FBXW2: variants seen among roughly 807,000 people sequenced by gnomAD.
The protein encoded by FBXW2 is F-box and WD repeat domain containing 2.
In FBXW2, 12 loss-of-function variants were observed where a neutral mutation model predicts 46.0. The ratio of observed to expected loss-of-function variants is 0.26; its 90% CI spans 0.17 to 0.42. The LOEUF (loss-of-function observed/expected upper bound fraction) is 0.42. FBXW2 is among the 10% of genes least tolerant of loss of function. The pLI, the probability that FBXW2 is intolerant of heterozygous loss-of-function variation, is 1.00. For synonymous variants in FBXW2, 203 were observed against 209.6 expected (o/e 0.97, Z 0.27); for missense variants, 360 against 537.0 (o/e 0.67, Z 3.26).
At chr9:120,773,905 C>T (rs778376167) in intron 5 of FBXW2, among the ~76,000 whole-genome samples, 3 of 152,178 alleles carry the variant, frequency 2.0e-5, no homozygotes, top group Admixed American at 6.5e-5. Context: ...AAAAAGTTAA[C>T]ATGGGCTAGG....
chr9:120,786,241 A>C (rs1436017433), intron 3 of FBXW2, among the ~76,000 whole-genome samples: 2 of 152,158 alleles, frequency 1.3e-5, no homozygotes, highest in African/African-American at 4.8e-5. Flanking sequence ...ATTGAGGGAC[A>C]GACTTGGTGG....
intron 7 of FBXW2, among the ~76,000 whole-genome samples, chr9:120,765,596 G>A (rs1387402417): frequency 6.6e-6 from 1 of 152,172 alleles, no homozygotes; most frequent in African/African-American, 2.4e-5. Flanking sequence ...GTAAAAAGAT[G>A]TATTCATCAA....
At position 120,788,715 on chromosome 9, in the gene FBXW2, C is replaced by T. The variant is rs372510874; in HGVS notation, c.-20-437G>A. On this transcript the variant is annotated intron_variant, in intron 2 of 7. Transcript: ENST00000608872. ...TATTTGGGTACTAAAATCACAAAAG[C>T]AAGCACCAGGATGTGACAATCAGAA... 1.9e-4 allele frequency among the ~76,000 whole-genome samples: 29 copies of T among 152,224 alleles called. No individual in the cohort carries two copies. In the South Asian group the frequency reaches 4.8e-3, roughly 25 times the overall value.
chr9:120,770,089 T>C (rs1219633361), intron 7 of FBXW2, among the ~76,000 whole-genome samples: 1 of 152,090 alleles, frequency 6.6e-6, no homozygotes, highest in Non-Finnish European at 1.5e-5. Flanking sequence ...ATAAAAACAA[T>C]GAAGAGGCCG....
chr9:120,787,997 T>C lies in FBXW2; in HGVS notation c.262A>G (p.Asn88Asp), dbSNP rs2044759295. 6.2e-7 allele frequency: 1 copy of C among 1,614,032 alleles called. No individual in the cohort carries two copies. Among genetic ancestry groups the C allele is most frequent in the Non-Finnish European group, 8.5e-7 (1 of 1,180,032 alleles). Residue 88 changes from asparagine (N) to aspartate (D), a missense_variant, in exon 3 of 8, where the codon AAT becomes GAT. By Grantham distance (23) the Asn-to-Asp change is conservative. Coordinates refer to ENST00000608872, the MANE Select transcript of FBXW2 (RefSeq NM_012164.4). The stretch of plus-strand genomic sequence containing the variant: ...TCTGTACAGGCACTTATCACCTTAT[T>C]CCACTGTTTAGAGACGAGGCAGCAT... ...LTCCLVSKQW[N>D]KVISACTEVW...
chr9:120,771,414 T>C lies in FBXW2; in HGVS notation c.1010A>G (p.Lys337Arg), dbSNP rs1417259509. Residue 337 changes from lysine (K) to arginine (R), a missense_variant, in exon 7 of 8, where the codon AAA (lysine) becomes AGA (arginine). Lys to Arg is a conservative substitution (Grantham distance 26, BLOSUM62 2). Transcript: ENST00000608872. Reference sequence around the variant, plus strand: ...AAGTGCTGAACTACAGACAATGTATTTGCCATCAAAATGAAGTCTTGGCTG... The same window carrying C: ...AAGTGCTGAACTACAGACAATGTATCTGCCATCAAAATGAAGTCTTGGCTG... ...CLQPRLHFDG[K>R]YIVCSSALGL... 3.7e-6 allele frequency: 6 copies of C among 1,614,070 alleles called. No individual in the cohort carries two copies. The highest frequency in any genetic ancestry group is 2.7e-5 in the African/African-American group (2 of 74,930).
In FBXW2 at chr9:120,787,800, T is replaced by C. The variant is rs775105186; in HGVS notation, c.459A>G (p.Ala153=). The change falls in exon 3 of 8, where the codon GCA becomes GCG. Residue 153 remains alanine, a synonymous_variant. Transcript: ENST00000608872. ...AGAGAAGTCCATCTTTGTAGTAAAGTGCATACACTCTGGCACTGTGTCCAA... is the reference window on the plus strand; with the variant it reads ...AGAGAAGTCCATCTTTGTAGTAAAGCGCATACACTCTGGCACTGTGTCCAA... ...SLIGHSARVY[A]LYYKDGLLCT... 25 of 1,613,942 alleles carry C rather than the reference T, an allele frequency of 1.5e-5. No homozygotes were observed. The highest frequency in any genetic ancestry group is 2.2e-5 in the East Asian group (1 of 44,902).
chr9:120,778,364 C>T lies in FBXW2; in HGVS notation c.672G>A (p.Gly224=), dbSNP rs992815609. ...SSGARTQHFR[G]HTGAVFSVDY... ...AGGGCAACCCACCCGCCCCCGTGTG[C>T]CCCCGAAAGTGCTGGGTCCTGGCTC... Residue 224 remains glycine (G), a synonymous_variant, in exon 4 of 8, where the codon GGG becomes GGA. Coordinates refer to ENST00000608872, the MANE Select transcript of FBXW2 (RefSeq NM_012164.4). The T allele has an allele frequency of 6.2e-7, 1 of 1,611,504 alleles. No individual in the cohort carries two copies. The highest frequency in any genetic ancestry group is 8.5e-7 in the Non-Finnish European group (1 of 1,179,044).
Position 120,764,649 on chromosome 9 carries a change from T to C in FBXW2, c.1275A>G (p.Gly425=). 7 of 1,614,176 alleles carry C rather than the reference T, an allele frequency of 4.3e-6. No individual in the cohort carries two copies. Among genetic ancestry groups the C allele is most frequent in the Non-Finnish European group, 5.1e-6 (6 of 1,180,028 alleles). ...AGCCCGTGTCATTGTGCCCATCCAG[T>C]CCATTCAGCCAGGATGCTTCGCCTG... ...FLAGEASWLN[G]LDGHNDTGLV... Residue 425 remains glycine, a synonymous_variant, in exon 8 of 8, where the codon GGA becomes GGG. Transcript: ENST00000608872.
At chr9:120,785,267 C>G (rs1483540453) in intron 3 of FBXW2, among the ~76,000 whole-genome samples, 3 of 152,094 alleles carry the variant, frequency 2.0e-5, no homozygotes, top group Non-Finnish European at 4.4e-5. Context: ...GCCTTGGCCT[C>G]CCAAAGTGTT....
At chr9:120,774,114 T>C (rs554072476) in intron 5 of FBXW2, among the ~76,000 whole-genome samples, 9 of 151,814 alleles carry the variant, frequency 5.9e-5, no homozygotes, top group Admixed American at 1.3e-4. Flanking sequence ...GGTGGGTGGA[T>C]CACCTGAGGT....
At chr9:120,770,506 G>C (rs1375393873) in intron 7 of FBXW2, among the ~76,000 whole-genome samples, 2 of 152,158 alleles carry the variant, frequency 1.3e-5, no homozygotes, top group Admixed American at 1.3e-4. Flanking sequence ...GTGAAGTACA[G>C]TAGGTTCAAC....
intron 2 of FBXW2, 157 bp downstream of exon 2, chr9:120,792,992 C>T: frequency 2.6e-6 from 4 of 1,529,264 alleles, no homozygotes; most frequent in Non-Finnish European, 3.5e-6. Context: ...AGCCCTGGGA[C>T]ATCACTGTTA....
rs1461859360 is a variant in FBXW2 at position 120,764,972 on chromosome 9, T to A, written c.1077-125A>T. 3.3e-5 allele frequency: 27 copies of A among 820,340 alleles called. No individual in the cohort carries two copies. In the East Asian group the frequency reaches 6.9e-4, roughly 21 times the overall value. The allele number at this position is 820,340 out of a possible 1,614,324, so 50.8% of individuals were successfully genotyped here. A position where few individuals can be genotyped will look rare whatever the true frequency, so the allele number is the denominator to read the frequency against. ...CAAGCAAATTTAGAGTTAAATGTTT[T>A]TGATAAAAAGTAAAATATAAGGAGA... On this transcript the variant is annotated intron_variant, in intron 7 of 7. Transcript: ENST00000608872.
intron 3 of FBXW2, among the ~76,000 whole-genome samples, chr9:120,784,865 G>A (rs1430997310): frequency 2.0e-5 from 3 of 149,326 alleles, no homozygotes; most frequent in South Asian, 4.3e-4. Flanking sequence ...AGGTTGCAGT[G>A]AGCCGAGACT....
chr9:120,787,628 C>T (rs2044752043), intron 3 of FBXW2, 141 bp downstream of exon 3: 1 of 767,556 alleles, frequency 1.3e-6, no homozygotes, highest in Non-Finnish European at 2.0e-6. Context: ...GGGGGGGGAA[C>T]CACTCAGGAT....
chr9:120,775,095 T>C (rs1187341926), intron 5 of FBXW2, among the ~76,000 whole-genome samples: 2 of 152,186 alleles, frequency 1.3e-5, no homozygotes, highest in Non-Finnish European at 2.9e-5. Context: ...TCTCACTTTG[T>C]TGCCTAGGGT....
chr9:120,781,702 A>G (rs1439219937), intron 3 of FBXW2, among the ~76,000 whole-genome samples: 1 of 151,866 alleles, frequency 6.6e-6, no homozygotes, highest in East Asian at 1.9e-4. Context: ...ATATACATAC[A>G]TGGAATGGAG....
chr9:120,767,986 C>A (rs2044305296), intron 7 of FBXW2, among the ~76,000 whole-genome samples: 1 of 152,220 alleles, frequency 6.6e-6, no homozygotes, highest in South Asian at 2.1e-4. Context: ...CAGTTAACCT[C>A]ACATACAACC....
Sources: allele counts gnomAD v4.1 joint callset (sites outside exome capture counted in the v4.1 genomes callset), GRCh38; gene constraint gnomAD v4.1.1; transcripts MANE v1.5; gene names NCBI Gene and HGNC (gene_info 2026-07-23, HGNC 2026-07-21).